The following NAALADL2 variants were observed in gnomAD, a reference collection of about 807,000 sequenced individuals.
The protein encoded by NAALADL2 is inactive N-acetylated-alpha-linked acidic dipeptidase-like protein 2.
Under a neutral mutation model 87.2 loss-of-function variants are expected in NAALADL2, and 76 were observed. The ratio of observed to expected loss-of-function variants is 0.87; its 90% CI spans 0.72 to 1.05. NAALADL2 has a LOEUF of 1.05. Ranked by LOEUF, NAALADL2 falls within the 50% of genes least tolerant of loss-of-function variation. The pLI is 0.00. For missense variants in NAALADL2, 1,089 were observed against 945.8 expected (o/e 1.15, Z -1.99); for synonymous variants, 354 against 331.0 (o/e 1.07, Z -0.75).
intron 2 of NAALADL2, among the ~76,000 whole-genome samples, chr3:174,722,992 AG>A (rs1419938411): frequency 1.3e-5 from 2 of 152,164 alleles, no homozygotes; most frequent in Non-Finnish European, 2.9e-5. Context: ...GTGTAAAGTC[AG>A]TGCCTTGTTG....
chr3:174,642,767 TATATATATATATATATA>T lies in NAALADL2; in HGVS notation c.-115+92131_-115+92147del, dbSNP rs1369448490. ...AAAAAAACATATATATATATATATATATATATATATATATATATATATGTTTTTTTTCATGAAACTGG... is the reference window on the plus strand; with the variant it reads ...AAAAAAACATATATATATATATATATTATATGTTTTTTTTCATGAAACTGG... On this transcript the variant is annotated intron_variant, in intron 2 of 3. Transcript: ENST00000434257. Among the ~76,000 whole-genome samples the T allele has an allele frequency of 5.1e-3, 197 of 38,516 alleles. 3 individuals are homozygous for T. Among genetic ancestry groups the T allele is most frequent in the African/African-American group, 0.024 (193 of 8,038 alleles). The allele number at this position is 38,516 out of a possible 152,430, so 25.3% of individuals were successfully genotyped here.
intron 1 of NAALADL2, among the ~76,000 whole-genome samples, chr3:175,025,038 C>T (rs1444759240): frequency 6.6e-6 from 1 of 152,064 alleles, no homozygotes; most frequent in Non-Finnish European, 1.5e-5. Context: ...AACTAAAATG[C>T]TGCATATCAA....
intron 2 of NAALADL2, among the ~76,000 whole-genome samples, chr3:175,133,523 C>A (rs1728564870): frequency 6.6e-6 from 1 of 152,216 alleles, no homozygotes. Context: ...AGCTGGAGAC[C>A]AGCCCGGTCA....
intron 9 of NAALADL2, among the ~76,000 whole-genome samples, chr3:175,529,852 G>C (rs2149441390): frequency 6.6e-6 from 1 of 152,276 alleles, no homozygotes; most frequent in African/African-American, 2.4e-5. Context: ...ATTCTGGATA[G>C]GATATCCAGA....
At position 175,620,926 on chromosome 3, in the gene NAALADL2, C is replaced by A. The variant is rs188190989; in HGVS notation, c.1801-6365C>A. Among the ~76,000 whole-genome samples the A allele has an allele frequency of 3.3e-5, 5 of 152,236 alleles. No homozygotes were observed. The East Asian group carries it at 9.7e-4, about 29-fold the overall frequency. On this transcript the variant is annotated intron_variant, in intron 10 of 13. Coordinates refer to ENST00000454872, the MANE Select transcript of NAALADL2 (RefSeq NM_207015.3). ...ACCTGAAGTGGGTAGCCCTCAGCTT[C>A]AAGAGGGGACCCAAAAGCGGGTAAG...
At chr3:175,667,181 G>GAAAGAA (rs1553945219) in intron 11 of NAALADL2, among the ~76,000 whole-genome samples, 3 of 95,236 alleles carry the variant, frequency 3.2e-5, no homozygotes, top group East Asian at 2.8e-4. Context: ...AAGAAAGAAA[G>GAAAGAA]AGAAAGAAAG....
chr3:175,404,040 C>G (rs1560497724), intron 5 of NAALADL2, among the ~76,000 whole-genome samples: 1 of 151,976 alleles, frequency 6.6e-6, no homozygotes. Flanking sequence ...TATACATACT[C>G]AAAACATTTG....
intron 9 of NAALADL2, among the ~76,000 whole-genome samples, chr3:175,529,431 G>A (rs953100374): frequency 1.3e-5 from 2 of 152,282 alleles, no homozygotes; most frequent in African/African-American, 2.4e-5. Context: ...GCTCACTAGG[G>A]GTGATGGTGA....
intron 1 of NAALADL2, among the ~76,000 whole-genome samples, chr3:174,932,752 G>A (rs1737106477): frequency 1.3e-5 from 2 of 152,150 alleles, no homozygotes; most frequent in Non-Finnish European, 2.9e-5. Context: ...TTAGTTTTGT[G>A]ACTATGATTT....
At chr3:175,423,172 G>A (rs1476455603) in intron 5 of NAALADL2, among the ~76,000 whole-genome samples, 12 of 148,362 alleles carry the variant, frequency 8.1e-5, no homozygotes, top group Admixed American at 4.7e-4. Context: ...AAAGGGAGGG[G>A]GGGGTCTCTT....
At chr3:175,188,799 T>G (rs1367817147) in intron 2 of NAALADL2, among the ~76,000 whole-genome samples, 1 of 152,084 alleles carries the variant, frequency 6.6e-6, no homozygotes, top group South Asian at 2.1e-4. Flanking sequence ...AAAGTCGCCA[T>G]TGTGTGGTAC....
At chr3:175,343,663 T>TTTGTTTTTTTTTTTTTG (rs1560398385) in intron 5 of NAALADL2, among the ~76,000 whole-genome samples, 3 of 138,898 alleles carry the variant, frequency 2.2e-5, no homozygotes, top group Non-Finnish European at 4.7e-5. Context: ...ATGTTTTTTT[T>TTTGTTTTTTTTTTTTTG]TTTTTTTTTT....
At chr3:174,587,828 T>G (rs1716898909) in intron 2 of NAALADL2, among the ~76,000 whole-genome samples, 1 of 152,172 alleles carries the variant, frequency 6.6e-6, no homozygotes, top group Non-Finnish European at 1.5e-5. Context: ...TCATTTCAAC[T>G]CTGGTGAATC....
At chr3:175,130,682 T>TAG (rs1727692233) in intron 2 of NAALADL2, among the ~76,000 whole-genome samples, 1 of 152,196 alleles carries the variant, frequency 6.6e-6, no homozygotes, top group Non-Finnish European at 1.5e-5. Flanking sequence ...CAGATAGAAT[T>TAG]ATGTATTTGT....
In NAALADL2 at chr3:175,256,497, C is replaced by T. The variant is rs368743014; in HGVS notation, c.906C>T (p.Leu302=). The T allele has an allele frequency of 2.5e-6, 4 of 1,612,398 alleles. No homozygotes were observed. The highest frequency in any genetic ancestry group is 1.1e-5 in the South Asian group (1 of 90,834). The change falls in exon 4 of 14, where the codon CTC becomes CTT. Residue 302 remains leucine (L), a synonymous_variant. Coordinates refer to ENST00000454872, the MANE Select transcript of NAALADL2 (RefSeq NM_207015.3). Reference sequence around the variant, plus strand: ...AAAACGTAACAAATCAGATCGCACTCCTGAAATTAGGAAAATTGCCACTGC... The same window carrying T: ...AAAACGTAACAAATCAGATCGCACTTCTGAAATTAGGAAAATTGCCACTGC... ...KIKNVTNQIA[L]LKLGKLPLLY...
intron 13 of NAALADL2, among the ~76,000 whole-genome samples, chr3:175,774,579 A>T (rs1002104522): frequency 2.0e-5 from 3 of 151,966 alleles, no homozygotes; most frequent in Non-Finnish European, 2.9e-5. Flanking sequence ...CAGAAAAAAA[A>T]AATAATTCTA....
chr3:175,775,781 A>G (rs1397779825), intron 13 of NAALADL2, among the ~76,000 whole-genome samples: 1 of 152,140 alleles, frequency 6.6e-6, no homozygotes, highest in Non-Finnish European at 1.5e-5. Flanking sequence ...TCAACGGAGA[A>G]GCAATAATGT....
At chr3:175,406,146 G>C (rs1402685930) in intron 5 of NAALADL2, among the ~76,000 whole-genome samples, 1 of 152,130 alleles carries the variant, frequency 6.6e-6, no homozygotes, top group Non-Finnish European at 1.5e-5. Flanking sequence ...GTAAACCAAG[G>C]TAATAGCTGC....
At chr3:175,229,342 A>T (rs1744606565) in intron 2 of NAALADL2, among the ~76,000 whole-genome samples, 1 of 152,040 alleles carries the variant, frequency 6.6e-6, no homozygotes. Flanking sequence ...AGAGTTTAGC[A>T]GGTTTTCTTT....
Sources: allele counts gnomAD v4.1 joint callset (sites outside exome capture counted in the v4.1 genomes callset), GRCh38; gene constraint gnomAD v4.1.1; transcripts MANE v1.5; gene names NCBI Gene and HGNC (gene_info 2026-07-23, HGNC 2026-07-21).